Variants in SCRN1 observed in about 807,000 individuals in gnomAD.
SCRN1 encodes the protein secernin 1.
In SCRN1, 19 loss-of-function variants were observed where a neutral mutation model predicts 43.3. The ratio of observed to expected loss-of-function variants is 0.44; its 90% confidence interval spans 0.31 to 0.64. The LOEUF (loss-of-function observed/expected upper bound fraction) is 0.64. Ranked by LOEUF, SCRN1 falls within the 30% of genes least tolerant of loss-of-function variation. The pLI, the probability that SCRN1 is intolerant of heterozygous loss-of-function variation, is 0.09. For missense variants in SCRN1, 447 were observed against 524.1 expected (o/e 0.85, Z 1.44); for synonymous variants, 183 against 188.9 (o/e 0.97, Z 0.26).
At chr7:29,988,654 A>G (rs1368284528) in intron 1 of SCRN1, 1 of 152,454 alleles carries the variant, frequency 6.6e-6, no homozygotes, top group Non-Finnish European at 1.5e-5. Context: ...ACACGCGCAC[A>G]CACACACGCA....
rs1292702136 is a variant in SCRN1, at chr7:29,968,936, A to T, written c.132T>A (p.Ala44=). The change falls in exon 2 of 8, where the codon GCT becomes GCA. Residue 44 remains alanine (A), a synonymous_variant. Coordinates refer to ENST00000242059, the MANE Select transcript of SCRN1 (RefSeq NM_014766.5). ...CAACCTTGCTCTCCGGTTCGTGATC[A>T]GCAGCCGAGAAATACACAACCTCTT... is the stretch of plus-strand genomic sequence containing the variant. ...EVQEVVYFSA[A]DHEPESKVEC... 2 of 1,614,058 alleles carry T rather than the reference A, an allele frequency of 1.2e-6. No individual in the cohort carries two copies. Among genetic ancestry groups the T allele is most frequent in the African/African-American group, 2.7e-5 (2 of 74,912 alleles).
In SCRN1 at chr7:29,976,137, C is replaced by A. The variant is rs761263600; in HGVS notation, c.-1-7069G>T. On this transcript the variant is annotated intron_variant, in intron 1 of 7. Transcript: ENST00000242059. The stretch of plus-strand genomic sequence containing the variant: ...TCCCCCCTCCAATCAGCTCTCAGTG[C>A]GAGCCACCAGTTTTCCTTCAGACCA... Among the ~76,000 whole-genome samples, 17 of 152,082 alleles carry A rather than the reference C, an allele frequency of 1.1e-4. 1 individual carries two copies. The highest frequency in any genetic ancestry group is 2.0e-4 in the Admixed American group (3 of 15,262).
chr7:29,955,226 T>G lies in SCRN1; in HGVS notation c.294A>C (p.Arg98Ser), dbSNP rs779526361. The G allele has an allele frequency of 6.2e-7, 1 of 1,614,220 alleles. No homozygotes were observed. Among genetic ancestry groups the G allele is most frequent in the Admixed American group, 1.7e-5 (1 of 60,030 alleles). The change falls in exon 3 of 8, where the codon AGA becomes AGC. Residue 98 changes from arginine (R) to serine (S), a missense_variant. Physicochemically the swap from Arg to Ser is moderately radical, Grantham distance 110 (BLOSUM62 -1). Transcript: ENST00000242059. ...AGGCTTCTATCTCGGCAGCTGGCTC[T>G]CTGGTGTTGATGGCTTCATTGGCTA... Reference protein sequence around the residue: ...VCIANEAINTREPAAEIEALL... With the variant: ...VCIANEAINTSEPAAEIEALL...
intron 6 of SCRN1, 149 bp downstream of exon 6, chr7:29,936,404 TTGG>T (rs1787327935): frequency 3.7e-6 from 2 of 547,630 alleles, no homozygotes; most frequent in Non-Finnish European, 6.2e-6. Flanking sequence ...ATCAAAGCCC[TTGG>T]TGCTACACTG....
At chr7:29,954,654 A>G (rs1788069659) in intron 3 of SCRN1, among the ~76,000 whole-genome samples, 1 of 152,300 alleles carries the variant, frequency 6.6e-6, no homozygotes, top group East Asian at 1.9e-4. Context: ...CAAGATCATT[A>G]TGCTTTAGTA....
At position 29,943,999 on chromosome 7, in the gene SCRN1, G is replaced by A. The variant is rs764135391; in HGVS notation, c.522C>T (p.Tyr174=). The A allele has an allele frequency of 9.9e-6, 16 of 1,614,170 alleles. No homozygotes were observed. The East Asian group carries it at 3.6e-4, about 36-fold the overall frequency. The change falls in exon 4 of 8, where the codon TAC becomes TAT. Residue 174 remains tyrosine, a synonymous_variant. Coordinates refer to ENST00000242059, the MANE Select transcript of SCRN1 (RefSeq NM_014766.5). ...EAWVLETIGK[Y]WAAEKVTEGV... ...CACCTGTGACTTTCTCGGCAGCCCA[G>A]TACTTCCCTATGGTCTCGAGCACCC...
chr7:29,956,955 T>C (rs1041054148), intron 2 of SCRN1, among the ~76,000 whole-genome samples: 9 of 152,204 alleles, frequency 5.9e-5, no homozygotes, highest in Non-Finnish European at 1.5e-5. Context: ...TTGCACTCTA[T>C]GTCAAAAAGT....
intron 7 of SCRN1, among the ~76,000 whole-genome samples, chr7:29,926,183 A>G (rs138463050): frequency 9.3e-4 from 141 of 152,374 alleles, no homozygotes; most frequent in African/African-American, 3.4e-3. Context: ...CTACGTAAAC[A>G]GTAAATGTAA....
chr7:29,945,436 A>G (rs188955429), intron 3 of SCRN1, among the ~76,000 whole-genome samples: 1 of 152,360 alleles, frequency 6.6e-6, no homozygotes, highest in African/African-American at 2.4e-5. Context: ...TCTCTTGCAC[A>G]GTACTGCCCT....
rs762692499 is a variant in SCRN1 at position 29,940,752 on chromosome 7, G to A, written c.669C>T (p.Ser223=). ...GATCCTCAACTGGAGAAAAGACTTCGGAAAAATTGAACTCGCCCTCTCCCG... is the reference window on the plus strand; with the variant it reads ...GATCCTCAACTGGAGAAAAGACTTCAGAAAAATTGAACTCGCCCTCTCCCG... ...WWTGEGEFNF[S]EVFSPVEDHL... is the part of the protein sequence containing the mutation. The change falls in exon 5 of 8, where the codon TCC becomes TCT. Residue 223 remains serine, a synonymous_variant. Coordinates refer to ENST00000242059, the MANE Select transcript of SCRN1 (RefSeq NM_014766.5). The A allele has an allele frequency of 2.8e-5, 45 of 1,608,336 alleles. No homozygotes were observed. Among genetic ancestry groups the A allele is most frequent in the Middle Eastern group, 1.6e-4 (1 of 6,070 alleles).
intron 2 of SCRN1, among the ~76,000 whole-genome samples, chr7:29,955,845 C>A (rs1273729745): frequency 1.3e-5 from 2 of 152,196 alleles, no homozygotes; most frequent in South Asian, 2.1e-4. Flanking sequence ...GTTTGATAAC[C>A]TACATGGTTG....
intron 1 of SCRN1, among the ~76,000 whole-genome samples, chr7:29,970,438 T>C (rs1788633365): frequency 6.6e-6 from 1 of 152,192 alleles, no homozygotes; most frequent in South Asian, 2.1e-4. Context: ...CAAATATCAC[T>C]CTAGTACTCT....
intron 6 of SCRN1, among the ~76,000 whole-genome samples, chr7:29,934,528 CCT>C (rs1449285078): frequency 8.5e-5 from 13 of 152,298 alleles, no homozygotes; most frequent in African/African-American, 2.6e-4. Flanking sequence ...CATATGTACC[CCT>C]GTCATCCAGC....
chr7:29,944,101 A>G lies in SCRN1; in HGVS notation c.420T>C (p.Gly140=). Residue 140 remains glycine, a synonymous_variant, in exon 4 of 8, where the codon GGT becomes GGC. Transcript: ENST00000242059. ...IVSLLEEHGQ[G]GNYFEDANSC... ...AGTTTGCATCTTCAAAGTAATTCCC[A>G]CCTTGTCCATGTTCTTCCAACAAGG... 2.5e-6 allele frequency: 4 copies of G among 1,614,104 alleles called. No individual in the cohort carries two copies. Among genetic ancestry groups the G allele is most frequent in the Non-Finnish European group, 3.4e-6 (4 of 1,180,026 alleles).
intron 1 of SCRN1, 132 bp from the exon 2 acceptor site, chr7:29,969,200 TC>T: frequency 9.2e-7 from 1 of 1,090,720 alleles, no homozygotes; most frequent in Non-Finnish European, 1.3e-6. Context: ...CATTAAGAGA[TC>T]CCAGCTGGCA....
chr7:29,969,233 GT>G, intron 1 of SCRN1, 165 bp from the exon 2 acceptor site: 1 of 665,050 alleles, frequency 1.5e-6, no homozygotes, highest in Non-Finnish European at 2.4e-6. Flanking sequence ...GACGCCTGCA[GT>G]GGAATGACAG....
intron 6 of SCRN1, among the ~76,000 whole-genome samples, chr7:29,932,389 T>G (rs1345844572): frequency 6.6e-6 from 1 of 152,050 alleles, no homozygotes; most frequent in African/African-American, 2.4e-5. Flanking sequence ...TTCTCAAGAT[T>G]AGTATACTGG....
At chr7:29,959,999 A>C (rs912887998) in intron 2 of SCRN1, among the ~76,000 whole-genome samples, 2 of 116,234 alleles carry the variant, frequency 1.7e-5, no homozygotes, top group African/African-American at 6.6e-5. Flanking sequence ...GAAGGAAAGG[A>C]AGGAAGGAAG....
intron 1 of SCRN1, among the ~76,000 whole-genome samples, chr7:29,974,315 T>TATAA (rs1788744595): frequency 6.6e-6 from 1 of 152,256 alleles, no homozygotes; most frequent in South Asian, 2.1e-4. Context: ...AGGATGAATT[T>TATAA]TTTTATTTGG....
Sources: allele counts gnomAD v4.1 joint callset (sites outside exome capture counted in the v4.1 genomes callset), GRCh38; gene constraint gnomAD v4.1.1; transcripts MANE v1.5; gene names NCBI Gene and HGNC (gene_info 2026-07-23, HGNC 2026-07-21).